The following PCDHGA12 variants were observed in gnomAD, a reference collection of about 807,000 sequenced individuals.
The protein encoded by PCDHGA12 is protocadherin gamma-A12.
A neutral mutation model predicts 61.1 loss-of-function variants in PCDHGA12; 43 were observed. That is an observed-to-expected ratio of 0.70 (90% confidence interval 0.55 to 0.91). The LOEUF (loss-of-function observed/expected upper bound fraction) is 0.91. PCDHGA12 is among the 40% of genes least tolerant of loss of function. PCDHGA12 has a pLI of 0.00. For missense variants in PCDHGA12, 1,236 were observed against 1,227.7 expected (o/e 1.01, Z -0.10); for synonymous variants, 520 against 542.9 (o/e 0.96, Z 0.59).
intron 1 of PCDHGA12, among the ~76,000 whole-genome samples, chr5:141,483,618 C>T (rs1441906179): frequency 6.6e-6 from 1 of 151,536 alleles, no homozygotes; most frequent in Non-Finnish European, 1.5e-5. Flanking sequence ...TCCATCATTC[C>T]CATGGGAGAA....
chr5:141,495,465 G>T (rs563411010), intron 2 of PCDHGA12, among the ~76,000 whole-genome samples: 11 of 152,298 alleles, frequency 7.2e-5, no homozygotes, highest in African/African-American at 2.4e-4. Flanking sequence ...TGTCTGTGGG[G>T]TCTCCGTGTC....
intron 2 of PCDHGA12, among the ~76,000 whole-genome samples, chr5:141,500,508 C>T (rs2099801020): frequency 6.6e-6 from 1 of 152,078 alleles, no homozygotes; most frequent in African/African-American, 2.4e-5. Context: ...CGCGCCTGGC[C>T]GAGCTTCATT....
chr5:141,466,147 G>A (rs2099117729), intron 1 of PCDHGA12, among the ~76,000 whole-genome samples: 1 of 151,722 alleles, frequency 6.6e-6, no homozygotes, highest in South Asian at 2.1e-4. Flanking sequence ...TGAAAACTCT[G>A]GTCTTAAACT....
rs201424832 is a variant in PCDHGA12 at position 141,490,802 on chromosome 5, C to T, written c.2425-4005C>T. On this transcript the variant is annotated intron_variant, in intron 1 of 3. Transcript: ENST00000252085. This position sits in a 1 kb window ranked among gnomAD's most constrained non-coding sequence, Gnocchi z 5.4. Reference sequence around the variant, plus strand: ...GATGGACGGATCTTTGCCCAGCGTACCTTTGACTATGAATTGCTGCAGATG... The same window carrying T: ...GATGGACGGATCTTTGCCCAGCGTATCTTTGACTATGAATTGCTGCAGATG... 1 of 1,613,944 alleles carries T rather than the reference C, an allele frequency of 6.2e-7. No homozygotes were observed. Among genetic ancestry groups the T allele is most frequent in the East Asian group, 2.2e-5 (1 of 44,886 alleles).
chr5:141,445,416 T>C lies in PCDHGA12; in HGVS notation c.2424+12233T>C, dbSNP rs190826518. ...TAACAAATATTTATTAACTGTCTGC[T>C]ATATGCAAGGCACTGACCTATGGAC... On this transcript the variant is annotated intron_variant, in intron 1 of 3. Coordinates refer to ENST00000252085, the MANE Select transcript of PCDHGA12 (RefSeq NM_003735.3). 2.2e-3 allele frequency among the ~76,000 whole-genome samples: 336 copies of C among 152,342 alleles called. 1 individual carries two copies. The highest frequency in any genetic ancestry group is 0.01 in the Middle Eastern group (3 of 294).
chr5:141,488,565 C>A (rs1308485284), intron 1 of PCDHGA12, among the ~76,000 whole-genome samples: 1 of 152,174 alleles, frequency 6.6e-6, no homozygotes, highest in Non-Finnish European at 1.5e-5. Flanking sequence ...GAGATTTCCG[C>A]AAAGCATTGC....
At chr5:141,509,720 A>G (rs916316577) in intron 3 of PCDHGA12, among the ~76,000 whole-genome samples, 6 of 151,974 alleles carry the variant, frequency 3.9e-5, no homozygotes, top group Admixed American at 3.3e-4. Context: ...GTCTGATGTC[A>G]CCTAGCTGTG....
At position 141,486,169 on chromosome 5, in the gene PCDHGA12, A is replaced by G. The variant is rs2099625537; in HGVS notation, c.2425-8638A>G. The G allele has an allele frequency of 1.2e-6, 2 of 1,614,088 alleles. No individual in the cohort carries two copies. Among genetic ancestry groups the G allele is most frequent in the East Asian group, 2.2e-5 (1 of 44,890 alleles). On this transcript the variant is annotated intron_variant, in intron 1 of 3. Transcript: ENST00000252085. The surrounding 1 kb of genome is among the most constrained non-coding windows in gnomAD (Gnocchi z 5.0). ...ATGGGGGTTCTCCAGCCATGGAGCA[A>G]CATTGCAGCCTTCGAGTGGATCTGC...
chr5:141,431,830 C>G lies in PCDHGA12; in HGVS notation c.1071C>G (p.Pro357=), dbSNP rs1354008481. 1 of 1,614,078 alleles carries G rather than the reference C, an allele frequency of 6.2e-7. No homozygotes were observed. The highest frequency in any genetic ancestry group is 8.5e-7 in the Non-Finnish European group (1 of 1,180,034). The part of the protein sequence containing the change: ...VVLTSLASSV[P]ENSPRGTLIA... The stretch of plus-strand genomic sequence containing the variant: ...TCACCTCTCTCGCCAGCTCGGTTCC[C>G]GAAAACTCTCCCAGAGGGACATTAA... The change falls in exon 1 of 4, where the codon CCC becomes CCG. Residue 357 remains proline, a synonymous_variant. Coordinates refer to ENST00000252085, the MANE Select transcript of PCDHGA12 (RefSeq NM_003735.3). This position sits in a 1 kb window ranked among gnomAD's most constrained non-coding sequence, Gnocchi z 4.8.
Position 141,485,597 on chromosome 5 carries a change from A to G in PCDHGA12, c.2425-9210A>G. On this transcript the variant is annotated intron_variant, in intron 1 of 3. Coordinates refer to ENST00000252085, the MANE Select transcript of PCDHGA12 (RefSeq NM_003735.3). This position sits in a 1 kb window ranked among gnomAD's most constrained non-coding sequence, Gnocchi z 5.7. ...TCCGCGGCAGCAGCTGGACTTGGAA[A>G]TTGGGGAGGCAGCTCCTCCAGGACA... The G allele has an allele frequency of 6.2e-7, 1 of 1,612,468 alleles. No homozygotes were observed. The highest frequency in any genetic ancestry group is 8.5e-7 in the Non-Finnish European group (1 of 1,178,718).
rs759191157 is a variant in PCDHGA12, at chr5:141,485,768, C to T, written c.2425-9039C>T. Reference sequence around the variant, plus strand: ...GGTCCCAGAGCTGCTCCTGGAGAAGCCTTTGGATCGAGAGAAGCAATCGGA... The same window carrying T: ...GGTCCCAGAGCTGCTCCTGGAGAAGTCTTTGGATCGAGAGAAGCAATCGGA... On this transcript the variant is annotated intron_variant, in intron 1 of 3. Transcript: ENST00000252085. This position sits in a 1 kb window ranked among gnomAD's most constrained non-coding sequence, Gnocchi z 5.7. The T allele has an allele frequency of 5.6e-6, 9 of 1,614,074 alleles. No individual in the cohort carries two copies. The highest frequency in any genetic ancestry group is 1.7e-5 in the Admixed American group (1 of 60,000).
At chr5:141,484,899 T>G (rs1296997337) in intron 1 of PCDHGA12, 9 of 398,498 alleles carry the variant, frequency 2.3e-5, no homozygotes, top group Non-Finnish European at 3.1e-5. Flanking sequence ...TCCCCTCCAA[T>G]GCTGCGACGC....
intron 1 of PCDHGA12, among the ~76,000 whole-genome samples, chr5:141,456,537 G>A (rs1411788378): frequency 1.3e-5 from 2 of 152,178 alleles, no homozygotes; most frequent in African/African-American, 4.8e-5. Flanking sequence ...ATTAAAGAGG[G>A]ATTGTAGCCA....
At chr5:141,481,795 T>C (rs2154579318) in intron 1 of PCDHGA12, among the ~76,000 whole-genome samples, 1 of 150,244 alleles carries the variant, frequency 6.7e-6, no homozygotes, top group South Asian at 2.1e-4. Context: ...CTACTAAAAA[T>C]ACAAAAATTC....
chr5:141,478,826 G>A, intron 1 of PCDHGA12: 2 of 1,439,244 alleles, frequency 1.4e-6, no homozygotes, highest in Non-Finnish European at 1.8e-6. Context: ...AACCAATCTT[G>A]CTAAGGGATG....
Position 141,476,191 on chromosome 5 carries a change from C to T in PCDHGA12, c.2425-18616C>T. The T allele has an allele frequency of 6.2e-7, 1 of 1,613,860 alleles. No homozygotes were observed. The highest frequency in any genetic ancestry group is 8.5e-7 in the Non-Finnish European group (1 of 1,180,006). ...TGGGAGTTTTGCTTCTGCTTGGTGC[C>T]TTGAACAAGGCTTCCACGGTCATTC... On this transcript the variant is annotated intron_variant, in intron 1 of 3. Transcript: ENST00000252085. This position sits in a 1 kb window ranked among gnomAD's most constrained non-coding sequence, Gnocchi z 7.6.
At chr5:141,494,724 T>C in intron 1 of PCDHGA12, 83 bp from the exon 2 acceptor site, 1 of 1,606,108 alleles carries the variant, frequency 6.2e-7, no homozygotes, top group South Asian at 1.1e-5. Flanking sequence ...CCCCTCCTTC[T>C]CTCCCGGCCC....
At position 141,505,499 on chromosome 5, in the gene PCDHGA12, G is replaced by A. The variant is rs753203943; in HGVS notation, c.2572+18G>A. ...CGCCAGTGGTAAGTGGTGTCAGTGT[G>A]TGTATGGAAGAGTGGGAGACCTGGG... is the stretch of plus-strand genomic sequence containing the variant. On this transcript the variant is annotated intron_variant, in intron 3 of 3. Transcript: ENST00000252085. 6.2e-7 allele frequency: 1 copy of A among 1,614,172 alleles called. No homozygotes were observed. The highest frequency in any genetic ancestry group is 8.5e-7 in the Non-Finnish European group (1 of 1,179,982).
intron 1 of PCDHGA12, among the ~76,000 whole-genome samples, chr5:141,434,049 A>G (rs868088310): frequency 2.0e-5 from 3 of 152,116 alleles, no homozygotes; most frequent in Non-Finnish European, 2.9e-5. Flanking sequence ...ATTTTATTCA[A>G]TGGCCTGTAA....
Sources: gnomAD v4.1 joint callset for allele counts (sites outside exome capture counted in the v4.1 genomes callset) on GRCh38, gnomAD v4.1.1 for gene constraint, Gnocchi (gnomAD v3.1) non-coding constraint, MANE v1.5 for transcripts, NCBI Gene and HGNC (gene_info 2026-07-23, HGNC 2026-07-21) for gene names.